DMXL1: variants seen among roughly 807,000 people sequenced by gnomAD.
DMXL1 encodes the protein dmX-like protein 1.
Under a neutral mutation model 319.2 loss-of-function variants are expected in DMXL1, and 99 were observed. The observed-to-expected ratio is 0.31, with a 90% CI of 0.26 to 0.37. The LOEUF (loss-of-function observed/expected upper bound fraction) is 0.37. DMXL1 is among the 10% of genes least tolerant of loss of function. The pLI is 1.00. For synonymous variants in DMXL1, 1,385 were observed against 1,235.2 expected (o/e 1.12, Z -2.54); for missense variants, 3,745 against 3,595.6 (o/e 1.04, Z -1.06).
chr5:119,149,421 A>G lies in DMXL1; in HGVS notation c.3594A>G (p.Val1198=). ...AAGTTGTGCCCCTTTCTAAATTTGT[A>G]CTATTACGAAGTGTGGACCTAGTTT... is the stretch of plus-strand genomic sequence containing the variant. ...STKVVPLSKF[V]LLRSVDLVSS... Residue 1198 remains valine, a synonymous_variant, in exon 18 of 44, where the codon GTA becomes GTG. Coordinates refer to ENST00000539542, the MANE Select transcript of DMXL1 (RefSeq NM_001290321.3). 1 of 1,613,898 alleles carries G rather than the reference A, an allele frequency of 6.2e-7. No homozygotes were observed.
At chr5:119,144,750 G>T in intron 15 of DMXL1, 112 bp downstream of exon 15, 1 of 615,358 alleles carries the variant, frequency 1.6e-6, no homozygotes, top group Non-Finnish European at 2.7e-6. Context: ...AAAAATTGGG[G>T]TAGGTTTGTT....
At position 119,176,283 on chromosome 5, in the gene DMXL1, T is replaced by G. The variant is rs114108476; in HGVS notation, c.6758+946T>G. 4.2e-3 allele frequency among the ~76,000 whole-genome samples: 644 copies of G among 152,158 alleles called. 8 individuals are homozygous for G. The highest frequency in any genetic ancestry group is 0.015 in the African/African-American group (618 of 41,546). The stretch of plus-strand genomic sequence containing the variant: ...TTGGGTTTCTCAGGTGAAGATCTTT[T>G]GTTGAGTTTGTTATTTCTTACATGG... On this transcript the variant is annotated intron_variant, in intron 26 of 43. Transcript: ENST00000539542.
chr5:119,095,001 G>A (rs187399760), intron 1 of DMXL1, among the ~76,000 whole-genome samples: 140 of 152,116 alleles, frequency 9.2e-4, no homozygotes, highest in Non-Finnish European at 1.6e-3. Flanking sequence ...GACTACAGGC[G>A]TACGCCACTG....
chr5:119,089,279 T>TATATATATATATATATAC (rs1754090669), intron 1 of DMXL1, among the ~76,000 whole-genome samples: 1 of 25,424 alleles, frequency 3.9e-5, no homozygotes, highest in African/African-American at 1.3e-4. Context: ...TATATATACA[T>TATATATATATATATATAC]ATATATATAT....
intron 28 of DMXL1, among the ~76,000 whole-genome samples, chr5:119,186,982 A>AT (rs1777839363): frequency 6.6e-6 from 1 of 152,084 alleles, no homozygotes; most frequent in Non-Finnish European, 1.5e-5. Context: ...GTAAATGACG[A>AT]GTTAATGGGT....
chr5:119,212,026 T>G (rs975356563), intron 34 of DMXL1, among the ~76,000 whole-genome samples: 1 of 152,234 alleles, frequency 6.6e-6, no homozygotes, highest in Non-Finnish European at 1.5e-5. Context: ...TCAGATCAGT[T>G]TCTGCATAAT....
At chr5:119,211,601 A>G (rs1782817974) in intron 34 of DMXL1, among the ~76,000 whole-genome samples, 1 of 152,148 alleles carries the variant, frequency 6.6e-6, no homozygotes, top group East Asian at 1.9e-4. Flanking sequence ...CTTCTTTAGT[A>G]TTTATATTCC....
intron 1 of DMXL1, 124 bp downstream of exon 1, chr5:119,071,780 C>T (rs1359528448): frequency 1.2e-6 from 1 of 817,970 alleles, no homozygotes; most frequent in Non-Finnish European, 1.9e-6. Flanking sequence ...TCCTTACCAC[C>T]CAGAACCCAG....
At chr5:119,147,571 C>T in intron 17 of DMXL1, 101 bp downstream of exon 17, 1 of 738,620 alleles carries the variant, frequency 1.4e-6, no homozygotes, top group South Asian at 1.9e-5. Context: ...CCACACAGAA[C>T]TAGAAATGGA....
intron 37 of DMXL1, 40 bp from the exon 38 acceptor site, chr5:119,224,668 CT>C: frequency 4.0e-6 from 3 of 750,494 alleles, no homozygotes; most frequent in Non-Finnish European, 6.2e-6. Flanking sequence ...ATGTTTAATC[CT>C]TTTTATTATG....
At position 119,146,852 on chromosome 5, in the gene DMXL1, G is replaced by C; in HGVS notation, c.2585G>C (p.Gly862Ala). 1 of 1,610,518 alleles carries C rather than the reference G, an allele frequency of 6.2e-7. No homozygotes were observed. The change falls in exon 16 of 44, where the codon GGA becomes GCA. Residue 862 changes from glycine to alanine, a missense_variant. Physicochemically the swap from Gly to Ala is moderately conservative, Grantham distance 60. Around this residue, in one of 4 missense-constraint regions of DMXL1, gnomAD observed 2,096 missense variants for 1,985.4 expected, o/e 1.06. Coordinates refer to ENST00000539542, the MANE Select transcript of DMXL1 (RefSeq NM_001290321.3). ...ATACCAACAGGCAGCTCACCTAATGGATTTTCTGAGAAGTTCTACCTAATT... is the reference window on the plus strand; with the variant it reads ...ATACCAACAGGCAGCTCACCTAATGCATTTTCTGAGAAGTTCTACCTAATT... ...ILSNAGSSPNGFSEKFYLIVI... is the reference protein window; with the variant it reads ...ILSNAGSSPNAFSEKFYLIVI...
In DMXL1 at chr5:119,170,625, A is replaced by G; in HGVS notation, c.5834A>G (p.Asn1945Ser). The G allele has an allele frequency of 6.2e-7, 1 of 1,612,596 alleles. No individual in the cohort carries two copies. Among genetic ancestry groups the G allele is most frequent in the Non-Finnish European group, 8.5e-7 (1 of 1,179,542 alleles). The change falls in exon 24 of 44, where the codon AAC becomes AGC. Residue 1945 changes from asparagine to serine, a missense_variant. By Grantham distance (46) the Asn-to-Ser change is conservative (BLOSUM62 1). This residue lies in a region of DMXL1 where 1,382 missense variants were observed against 1,269.5 expected (regional missense o/e 1.09). Transcript: ENST00000539542. The part of the protein sequence containing the change: ...SSEGSSEKQS[N>S]STLSFDWSQP... Reference sequence around the variant, plus strand: ...GAGGGTTCCTCAGAGAAGCAATCAAACTCCACTCTTTCTTTTGACTGGAGC... The same window carrying G: ...GAGGGTTCCTCAGAGAAGCAATCAAGCTCCACTCTTTCTTTTGACTGGAGC...
At chr5:119,193,768 A>G (rs1312136453) in intron 29 of DMXL1, 60 bp from the exon 30 acceptor site, 1 of 1,469,080 alleles carries the variant, frequency 6.8e-7, no homozygotes, top group Non-Finnish European at 9.4e-7. Context: ...ATTAGACTGT[A>G]TGTTTGAATG....
At chr5:119,090,519 G>T (rs1334964568) in intron 1 of DMXL1, among the ~76,000 whole-genome samples, 1 of 149,090 alleles carries the variant, frequency 6.7e-6, no homozygotes, top group East Asian at 1.9e-4. Flanking sequence ...GTATCTTGTA[G>T]GCAACTTCAT....
intron 2 of DMXL1, among the ~76,000 whole-genome samples, chr5:119,100,254 C>A (rs1182460799): frequency 2.6e-5 from 4 of 151,764 alleles, no homozygotes; most frequent in South Asian, 4.2e-4. Flanking sequence ...AATAGAGAAA[C>A]CCCGTCTCTA....
intron 15 of DMXL1, among the ~76,000 whole-genome samples, chr5:119,146,239 T>G (rs1768498440): frequency 6.6e-6 from 1 of 151,974 alleles, no homozygotes; most frequent in South Asian, 2.1e-4. Flanking sequence ...TAGATTATAA[T>G]GAAGAAAACT....
At chr5:119,208,393 TAA>T (rs1782132466) in intron 34 of DMXL1, among the ~76,000 whole-genome samples, 1 of 152,038 alleles carries the variant, frequency 6.6e-6, no homozygotes, top group South Asian at 2.1e-4. Flanking sequence ...TTTGTATTTT[TAA>T]TAGAGACAGG....
chr5:119,193,407 A>C (rs532888357), intron 29 of DMXL1, among the ~76,000 whole-genome samples: 1 of 152,074 alleles, frequency 6.6e-6, no homozygotes, highest in Non-Finnish European at 1.5e-5. Context: ...CTTGTCATTT[A>C]GTTCTCGTAC....
At chr5:119,148,248 T>G (rs1769014844) in intron 17 of DMXL1, among the ~76,000 whole-genome samples, 1 of 152,068 alleles carries the variant, frequency 6.6e-6, no homozygotes, top group Non-Finnish European at 1.5e-5. Flanking sequence ...CCATTCACAT[T>G]TATATTGAAA....
Sources: allele counts gnomAD v4.1 joint callset (sites outside exome capture counted in the v4.1 genomes callset), GRCh38; gene constraint gnomAD v4.1.1; regional missense constraint gnomAD v4.1.1; transcripts MANE v1.5; gene names NCBI Gene and HGNC (gene_info 2026-07-23, HGNC 2026-07-21).